The following ALOX12B variants were observed in gnomAD, a reference collection of about 807,000 sequenced individuals.
ALOX12B encodes the protein arachidonate 12-lipoxygenase, 12R type.
A neutral mutation model predicts 78.9 loss-of-function variants in ALOX12B; 47 were observed. The observed-to-expected ratio is 0.60, with a 90% CI of 0.47 to 0.76. ALOX12B has a LOEUF of 0.76. Among genes scored for constraint, ALOX12B ranks in the 30% least tolerant of loss-of-function variants. ALOX12B has a pLI of 0.00. For synonymous variants in ALOX12B, 370 were observed against 374.5 expected, an observed-to-expected ratio of 0.99 and a Z score of 0.14; for missense variants, 805 against 922.6, an observed-to-expected ratio of 0.87 and a Z score of 1.65.
In ALOX12B at chr17:8,072,918, G is replaced by A. The variant is rs760046576; in HGVS notation, c.1959C>T (p.Phe653=). The A allele has an allele frequency of 1.9e-6, 3 of 1,613,644 alleles. No homozygotes were observed. Among genetic ancestry groups the A allele is most frequent in the Non-Finnish European group, 2.5e-6 (3 of 1,179,840 alleles). ...TGCTCCTCCGCGGGGCCTCCTCCAC[G>A]AAGTGAATGTCCGGGAAGTGTCCCA... ...RPLGHFPDIH[F]VEEAPRRSIE... is the part of the protein sequence containing the mutation. Residue 653 remains phenylalanine, a synonymous_variant, in exon 15 of 15, where the codon TTC becomes TTT. Transcript: ENST00000647874.
Position 8,073,718 on chromosome 17 carries a change from CG to C in ALOX12B, c.1693del (p.Arg565AspfsTer5), listed in dbSNP as rs757224692. 3 of 1,613,776 alleles carry C rather than the reference CG, an allele frequency of 1.9e-6. No homozygotes were observed. The highest frequency in any genetic ancestry group is 2.5e-6 in the Non-Finnish European group (3 of 1,179,930). On this transcript the variant is annotated frameshift_variant, in exon 13 of 15. Transcript: ENST00000647874. LOFTEE classifies it high-confidence loss of function. ...GGTGTAGATGACTATAGTGACATATCGGATCAGCTCAGGCACGGTTCGCAAG... is the reference window on the plus strand; with the variant it reads ...GGTGTAGATGACTATAGTGACATATCGATCAGCTCAGGCACGGTTCGCAAG... ...RCLRTVPELIRYVTIVIYTCS... is the reference protein window; with the variant it reads ...RCLRTVPELIXYVTIVIYTCS...
At chr17:8,077,218 T>C (rs770419768) in intron 8 of ALOX12B, 25 bp from the exon 9 acceptor site, 1 of 1,594,602 alleles carries the variant, frequency 6.3e-7, no homozygotes, top group Admixed American at 1.8e-5. Flanking sequence ...AGAGAAAGGG[T>C]TGGGTGAGGG....
In ALOX12B at chr17:8,074,959, A is replaced by G. The variant is rs184073388; in HGVS notation, c.1654+636T>C. Among the ~76,000 whole-genome samples the G allele has an allele frequency of 2.6e-5, 4 of 152,320 alleles. No individual in the cohort carries two copies. The East Asian group carries it at 7.7e-4, about 29-fold the overall frequency. On this transcript the variant is annotated intron_variant, in intron 12 of 14. Transcript: ENST00000647874. ...TTAGCCAAGAAGTTAGATTTCAGCT[A>G]GATCTTAGCTTGCTGCTCCTGCCCT...
At position 8,077,172 on chromosome 17, in the gene ALOX12B, C is replaced by T; in HGVS notation, c.1093G>A (p.Asp365Asn). 6.2e-7 allele frequency: 1 copy of T among 1,613,240 alleles called. No individual in the cohort carries two copies. The highest frequency in any genetic ancestry group is 8.5e-7 in the Non-Finnish European group (1 of 1,179,712). ...TCACTGGGCAGGAAGATGGGGCAAT[C>T]TGGCCCAGGGGTCTGGCTGAGCTAG... is the stretch of plus-strand genomic sequence containing the variant. ...AIQLSQTPGP[D>N]CPIFLPSDSE... is the part of the protein sequence containing the mutation. The change falls in exon 9 of 15, where the codon GAT (aspartate) becomes AAT (asparagine). Residue 365 changes from aspartate to asparagine, a missense_variant. Asp to Asn is a conservative substitution (Grantham distance 23, BLOSUM62 1). Transcript: ENST00000647874.
At chr17:8,074,895 C>T (rs1977049746) in intron 12 of ALOX12B, among the ~76,000 whole-genome samples, 2 of 152,208 alleles carry the variant, frequency 1.3e-5, no homozygotes, top group Admixed American at 6.5e-5. Flanking sequence ...TCAGTCATCT[C>T]GAGGCTAACC....
chr17:8,077,201 T>C lies in ALOX12B; in HGVS notation c.1072-8A>G. The C allele has an allele frequency of 6.2e-7, 1 of 1,606,732 alleles. No homozygotes were observed. Among genetic ancestry groups the C allele is most frequent in the African/African-American group, 1.3e-5 (1 of 74,740 alleles). On this transcript the variant is annotated splice_polypyrimidine_tract_variant and splice_region_variant and intron_variant, in intron 8 of 14. Transcript: ENST00000647874. ...CCCAGGGGTCTGGCTGAGCTAGGTGTGGTGAAAGAGAAAGGGTTGGGTGAG... is the reference window on the plus strand; with the variant it reads ...CCCAGGGGTCTGGCTGAGCTAGGTGCGGTGAAAGAGAAAGGGTTGGGTGAG...
intron 2 of ALOX12B, among the ~76,000 whole-genome samples, chr17:8,085,493 C>T (rs3027298): frequency 0.43 from 65,712 of 151,826 alleles, 14,420 homozygotes; most frequent in Admixed American, 0.51. Context: ...CGCAGCACCA[C>T]GGAGACCTGT....
chr17:8,075,109 ACT>A (rs1567981062), intron 12 of ALOX12B, among the ~76,000 whole-genome samples: 1 of 152,052 alleles, frequency 6.6e-6, no homozygotes, highest in Non-Finnish European at 1.5e-5. Context: ...CACCTTCACC[ACT>A]GTCTTTTTCC....
chr17:8,076,589 C>CT, intron 10 of ALOX12B, 68 bp downstream of exon 10: 1 of 1,497,274 alleles, frequency 6.7e-7, no homozygotes, highest in Non-Finnish European at 9.1e-7. Context: ...GGAAGTCCTC[C>CT]TCTTCATCTA....
At chr17:8,072,976 G>C in intron 14 of ALOX12B, 26 bp from the exon 15 acceptor site, 1 of 1,605,142 alleles carries the variant, frequency 6.2e-7, no homozygotes, top group Non-Finnish European at 8.5e-7. Context: ...TCGACAGCTG[G>C]GACCAGGGCC....
chr17:8,076,373 C>T (rs750443084), intron 10 of ALOX12B, 29 bp from the exon 11 acceptor site: 38 of 1,569,508 alleles, frequency 2.4e-5, no homozygotes, highest in Admixed American at 9.4e-5. Flanking sequence ...ATCCTGGAGC[C>T]GGACAGGCAT....
At position 8,073,183 on chromosome 17, in the gene ALOX12B, C is replaced by T; in HGVS notation, c.1891G>A (p.Val631Met). 6.2e-7 allele frequency: 1 copy of T among 1,614,152 alleles called. No individual in the cohort carries two copies. The highest frequency in any genetic ancestry group is 2.2e-5 in the East Asian group (1 of 44,882). ...GGCTCTCGGCTGAGGGTCCAGAGCA[C>T]CAGCAGCGTGATGCACGTGGTCTTC... ...DVKTTCITLLVLWTLSREPDD... is the reference protein window; with the variant it reads ...DVKTTCITLLMLWTLSREPDD... Residue 631 changes from valine to methionine, a missense_variant, in exon 14 of 15, where the codon GTG (valine) becomes ATG (methionine). Physicochemically the swap from Val to Met is conservative, Grantham distance 21. Transcript: ENST00000647874.
At chr17:8,086,277 G>T (rs546750362) in intron 1 of ALOX12B, 57 bp from the exon 2 acceptor site, 63 of 1,565,268 alleles carry the variant, frequency 4.0e-5, no homozygotes, top group Non-Finnish European at 5.3e-5. Context: ...CTCCCAGGCC[G>T]CCCACCCCTC....
chr17:8,087,237 GACACAC>G (rs573151221), intron 1 of ALOX12B, 53 bp downstream of exon 1: 9 of 872,170 alleles, frequency 1.0e-5, no homozygotes, highest in South Asian at 2.7e-5. Flanking sequence ...GACACACACA[GACACAC>G]ACACACACAC....
chr17:8,085,904 G>T, intron 2 of ALOX12B, 112 bp downstream of exon 2: 2 of 1,287,956 alleles, frequency 1.6e-6, no homozygotes, highest in Non-Finnish European at 1.1e-6. Flanking sequence ...GGAGTCCCTG[G>T]TGGGGCTGGG....
chr17:8,076,878 A>T, intron 9 of ALOX12B, 112 bp downstream of exon 9: 14 of 719,824 alleles, frequency 1.9e-5, no homozygotes, highest in South Asian at 6.4e-5. Context: ...TGGTCCCCAG[A>T]TGCCCCCCAG....
chr17:8,083,231 CAT>C (rs796611762), intron 2 of ALOX12B, among the ~76,000 whole-genome samples: 28 of 152,122 alleles, frequency 1.8e-4, no homozygotes, highest in African/African-American at 5.3e-4. Flanking sequence ...AACATACACA[CAT>C]GTGTACAGAT....
At chr17:8,085,398 G>A (rs1439445544) in intron 2 of ALOX12B, among the ~76,000 whole-genome samples, 1 of 152,166 alleles carries the variant, frequency 6.6e-6, no homozygotes, top group Non-Finnish European at 1.5e-5. Flanking sequence ...AGTGAGCCGA[G>A]ATCGTGCCAT....
At chr17:8,078,115 T>TTTTATTTCATTTTA (rs1977125448) in intron 8 of ALOX12B, among the ~76,000 whole-genome samples, 1 of 143,168 alleles carries the variant, frequency 7.0e-6, no homozygotes, top group Non-Finnish European at 1.5e-5. Flanking sequence ...TTTTATTTCA[T>TTTTATTTCATTTTA]TTTATTTATT....
Sources: allele counts gnomAD v4.1 joint callset (sites outside exome capture counted in the v4.1 genomes callset), GRCh38; gene constraint gnomAD v4.1.1; transcripts MANE v1.5; gene names NCBI Gene and HGNC (gene_info 2026-07-23, HGNC 2026-07-21).